IAH1: variants seen among roughly 807,000 people sequenced by gnomAD.
The protein encoded by IAH1 is isoamyl acetate hydrolyzing esterase 1 (putative).
IAH1 carries 24 observed loss-of-function variants against 26.7 expected under a neutral mutation model. That is an observed-to-expected ratio of 0.90 (90% CI 0.65 to 1.26). The LOEUF (loss-of-function observed/expected upper bound fraction) is 1.26. IAH1 is among the 50% of genes most tolerant of loss of function. The pLI, the probability that IAH1 is intolerant of heterozygous loss-of-function variation, is 0.00. For missense variants in IAH1, 300 were observed against 299.9 expected, an observed-to-expected ratio of 1.00 and a Z score of 0.00; for synonymous variants, 140 against 118.5, an observed-to-expected ratio of 1.18 and a Z score of -1.18.
At chr2:9,493,038 A>G, downstream of IAH1, 4 of 1,422,536 alleles carry the variant, frequency 2.8e-6, no homozygotes, top group Non-Finnish European at 3.9e-6. Context: ...TCACAAATCT[A>G]AAGTGAAATG....
At chr2:9,475,349 A>G in intron 1 of IAH1, 1 of 465,794 alleles carries the variant, frequency 2.1e-6, no homozygotes, top group Non-Finnish European at 3.9e-6. Context: ...TGGGGCAGTC[A>G]GAGCTGCCGA....
chr2:9,474,452 G>C, upstream of IAH1: 1 of 525,880 alleles, frequency 1.9e-6, no homozygotes, highest in Non-Finnish European at 3.1e-6. This position sits in a 1 kb window ranked among gnomAD's most constrained non-coding sequence, Gnocchi z 4.3. Context: ...ACCTTCGCGC[G>C]TCACCAAAGT....
At chr2:9,493,883 A>G, downstream of IAH1, 1 of 1,424,816 alleles carries the variant, frequency 7.0e-7, no homozygotes, top group African/African-American at 1.4e-5. Context: ...TTCAGAAGCA[A>G]TGTAGCTTTA....
downstream of IAH1, among the ~76,000 whole-genome samples, chr2:9,494,141 A>G (rs1662374938): frequency 6.6e-6 from 1 of 152,226 alleles, no homozygotes; most frequent in Non-Finnish European, 1.5e-5. Context: ...TGAACAACAC[A>G]GCCAGACTCC....
downstream of IAH1, among the ~76,000 whole-genome samples, chr2:9,494,457 C>T (rs912163855): frequency 2.6e-5 from 4 of 152,200 alleles, no homozygotes; most frequent in African/African-American, 9.7e-5. Context: ...AAGGAAACTA[C>T]AGGCAGGGAC....
At chr2:9,492,520 G>A (rs1158505092), downstream of IAH1, among the ~76,000 whole-genome samples, 1 of 152,148 alleles carries the variant, frequency 6.6e-6, no homozygotes, top group Non-Finnish European at 1.5e-5. Context: ...CATGATATAT[G>A]GGGAACATCT....
intron 4 of IAH1, among the ~76,000 whole-genome samples, chr2:9,483,438 G>T (rs1051815352): frequency 3.9e-5 from 6 of 152,148 alleles, no homozygotes; most frequent in African/African-American, 1.4e-4. Flanking sequence ...TAGGGATGGG[G>T]TAGCTAGTTA....
At chr2:9,501,542 G>A (rs1293315803), downstream of IAH1, among the ~76,000 whole-genome samples, 1 of 152,200 alleles carries the variant, frequency 6.6e-6, no homozygotes, top group Non-Finnish European at 1.5e-5. Flanking sequence ...TTGGTGACTT[G>A]TAAGTAAAAC....
chr2:9,483,888 C>CG (rs959840828), intron 4 of IAH1, among the ~76,000 whole-genome samples: 1 of 152,204 alleles, frequency 6.6e-6, no homozygotes, highest in Non-Finnish European at 1.5e-5. Context: ...AGCTTCAGGA[C>CG]GGTTAAGCTG....
In IAH1 at chr2:9,474,636, T is replaced by C; in HGVS notation, c.70T>C (p.Ser24Pro). 2.6e-6 allele frequency: 4 copies of C among 1,549,628 alleles called. No individual in the cohort carries two copies. The highest frequency in any genetic ancestry group is 3.5e-6 in the Non-Finnish European group (4 of 1,150,744). ...LWPRLLLFGD[S>P]ITQFSFQQGG... ...GCCTCGCTTGTTGCTCTTCGGGGACTCCATCACCCAGGTACGGCCGCCCCG... is the reference window on the plus strand; with the variant it reads ...GCCTCGCTTGTTGCTCTTCGGGGACCCCATCACCCAGGTACGGCCGCCCCG... Residue 24 changes from serine (S) to proline (P), a missense_variant, in exon 1 of 6, where the codon TCC becomes CCC. Physicochemically the swap from Ser to Pro is moderately conservative, Grantham distance 74. Transcript: ENST00000497473. This position sits in a 1 kb window ranked among gnomAD's most constrained non-coding sequence, Gnocchi z 4.3.
At position 9,484,463 on chromosome 2, in the gene IAH1, T is replaced by C. The variant is rs778955594; in HGVS notation, c.477T>C (p.Val159=). The C allele has an allele frequency of 6.2e-7, 1 of 1,614,098 alleles. No individual in the cohort carries two copies. The highest frequency in any genetic ancestry group is 8.5e-7 in the Non-Finnish European group (1 of 1,180,034). ...AACTAAATCGCCTGAACTCTGTTGTTGGTGAATATGCCAATGCGTGTTTAC... is the reference window on the plus strand; with the variant it reads ...AACTAAATCGCCTGAACTCTGTTGTCGGTGAATATGCCAATGCGTGTTTAC... ...GCKLNRLNSV[V]GEYANACLQV... The change falls in exon 5 of 6, where the codon GTT becomes GTC. Residue 159 remains valine, a synonymous_variant. Coordinates refer to ENST00000497473, the MANE Select transcript of IAH1 (RefSeq NM_001039613.3).
chr2:9,512,008 T>C, the IAH1 span, among the ~76,000 whole-genome samples: 1 of 121,270 alleles, frequency 8.2e-6, no homozygotes, highest in Non-Finnish European at 2.0e-5. Flanking sequence ...TAAATATATA[T>C]ACATATAAAC....
the IAH1 span, among the ~76,000 whole-genome samples, chr2:9,512,147 GA>G: frequency 3.0e-4 from 46 of 151,472 alleles, no homozygotes; most frequent in Non-Finnish European, 5.3e-4. Context: ...ACCGTAGTGG[GA>G]AAAAAAACTT....
At chr2:9,486,079 C>T (rs1661461701) in intron 5 of IAH1, 1 of 152,204 alleles carries the variant, frequency 6.6e-6, no homozygotes, top group Non-Finnish European at 1.5e-5. Flanking sequence ...TTTTCCTCTC[C>T]CCTAAATATT....
chr2:9,476,122 A>T, intron 2 of IAH1, 83 bp downstream of exon 2: 2 of 1,184,108 alleles, frequency 1.7e-6, no homozygotes, highest in South Asian at 1.3e-5. Context: ...ATAGTTCTGA[A>T]CAGAACATTC....
the IAH1 span, among the ~76,000 whole-genome samples, chr2:9,503,299 G>A: frequency 6.6e-6 from 1 of 152,118 alleles, no homozygotes; most frequent in South Asian, 2.1e-4. Context: ...CCAGAAAACT[G>A]AAGTTTAACC....
At chr2:9,476,125 G>T in intron 2 of IAH1, 86 bp downstream of exon 2, 1 of 1,164,566 alleles carries the variant, frequency 8.6e-7, no homozygotes. Context: ...GTTCTGAACA[G>T]AACATTCCTC....
downstream of IAH1, among the ~76,000 whole-genome samples, chr2:9,494,132 G>GAAC (rs1662374472): frequency 6.6e-6 from 1 of 152,272 alleles, no homozygotes; most frequent in East Asian, 1.9e-4. Flanking sequence ...AGTGGACAGT[G>GAAC]AACAACACAG....
chr2:9,486,360 A>C (rs970479320), intron 5 of IAH1: 7 of 152,214 alleles, frequency 4.6e-5, no homozygotes, highest in African/African-American at 1.7e-4. Flanking sequence ...TTGTCTAGGA[A>C]AGGAAACTGC....
Sources: allele counts gnomAD v4.1 joint callset (sites outside exome capture counted in the v4.1 genomes callset), GRCh38; gene constraint gnomAD v4.1.1; non-coding constraint Gnocchi (gnomAD v3.1); transcripts MANE v1.5; gene names NCBI Gene and HGNC (gene_info 2026-07-23, HGNC 2026-07-21).